TNIK: variants seen among roughly 807,000 people sequenced by gnomAD.
TNIK encodes the protein TRAF2 and NCK-interacting protein kinase.
Under a neutral mutation model 191.3 loss-of-function variants are expected in TNIK, and 49 were observed. The ratio of observed to expected loss-of-function variants is 0.26; its 90% CI spans 0.20 to 0.32. The LOEUF is 0.32. Ranked by LOEUF, TNIK falls within the 10% of genes least tolerant of loss-of-function variation. The pLI, the probability that TNIK is intolerant of heterozygous loss-of-function variation, is 1.00. For missense variants in TNIK, 1,155 were observed against 1,702.3 expected, an observed-to-expected ratio of 0.68 and a Z score of 5.66; for synonymous variants, 594 against 600.9, an observed-to-expected ratio of 0.99 and a Z score of 0.17.
At chr3:171,395,040 G>A (rs1381578818) in intron 1 of TNIK, among the ~76,000 whole-genome samples, 1 of 152,072 alleles carries the variant, frequency 6.6e-6, no homozygotes, top group Non-Finnish European at 1.5e-5. Flanking sequence ...ACAATATACG[G>A]CTTGATAAGG....
chr3:171,137,176 C>T (rs747810854), intron 15 of TNIK, among the ~76,000 whole-genome samples: 2 of 118,048 alleles, frequency 1.7e-5, no homozygotes, highest in Non-Finnish European at 3.2e-5. Flanking sequence ...ATTAGGACAA[C>T]ATTATGTCAA....
intron 2 of TNIK, among the ~76,000 whole-genome samples, chr3:171,277,444 G>A (rs974771027): frequency 2.0e-5 from 3 of 151,950 alleles, no homozygotes; most frequent in African/African-American, 4.8e-5. Flanking sequence ...GAACAGGTTC[G>A]GGAAGTATTA....
chr3:171,237,745 G>A (rs1490356385), intron 2 of TNIK, among the ~76,000 whole-genome samples: 1 of 152,040 alleles, frequency 6.6e-6, no homozygotes, highest in Non-Finnish European at 1.5e-5. Flanking sequence ...AATATAGTGA[G>A]ACCCCGTCTC....
Position 171,369,668 on chromosome 3 carries a change from A to C in TNIK, c.75T>G (p.Phe25Leu), listed in dbSNP as rs746144696. The change falls in exon 2 of 33, where the codon TTT becomes TTG. Residue 25 changes from phenylalanine to leucine, a missense_variant. Phe to Leu is a conservative substitution (Grantham distance 22). Coordinates refer to ENST00000436636, the MANE Select transcript of TNIK (RefSeq NM_015028.4). ...LSALRDPAGI[F>L]ELVELVGNGT... ...CATTTCCAACAAGTTCCACCAATTC[A>C]AAGATCCCTGCGGGGTCCTGAAAGA... The C allele has an allele frequency of 3.8e-6, 6 of 1,573,488 alleles. No individual in the cohort carries two copies. Among genetic ancestry groups the C allele is most frequent in the Non-Finnish European group, 4.3e-6 (5 of 1,158,370 alleles).
intron 3 of TNIK, among the ~76,000 whole-genome samples, chr3:171,212,318 G>A (rs968120550): frequency 3.3e-5 from 5 of 151,820 alleles, no homozygotes; most frequent in Non-Finnish European, 5.9e-5. Context: ...GAGTTTAATC[G>A]ACATTCACCA....
In TNIK at chr3:171,320,729, C is replaced by T. The variant is rs374546744; in HGVS notation, c.123+48891G>A. Among the ~76,000 whole-genome samples, 20 of 152,366 alleles carry T rather than the reference C, an allele frequency of 1.3e-4. No homozygotes were observed. The South Asian group carries it at 1.4e-3, about 11-fold the overall frequency. ...AATAATCCCATGTGGGCATACTTCA[C>T]GCAGAGTAATGCCATTTGGCCCTCA... On this transcript the variant is annotated intron_variant, in intron 2 of 32. Coordinates refer to ENST00000436636, the MANE Select transcript of TNIK (RefSeq NM_015028.4).
At chr3:171,190,335 A>G (rs888276090) in intron 6 of TNIK, among the ~76,000 whole-genome samples, 5 of 152,216 alleles carry the variant, frequency 3.3e-5, no homozygotes, top group Non-Finnish European at 5.9e-5. Context: ...GCCTGTGTAT[A>G]TTTTAATGGA....
chr3:171,102,814 G>A (rs531977453), intron 21 of TNIK, among the ~76,000 whole-genome samples: 1 of 152,296 alleles, frequency 6.6e-6, no homozygotes, highest in South Asian at 2.1e-4. Context: ...CAACCTGGGT[G>A]ATGACATTGG....
intron 2 of TNIK, among the ~76,000 whole-genome samples, chr3:171,272,072 G>T (rs953429075): frequency 6.6e-6 from 1 of 152,162 alleles, no homozygotes; most frequent in African/African-American, 2.4e-5. Context: ...GCCACCACCC[G>T]GAGATGGTAA....
intron 3 of TNIK, among the ~76,000 whole-genome samples, chr3:171,223,568 A>C (rs1004846335): frequency 6.6e-6 from 1 of 152,182 alleles, no homozygotes; most frequent in African/African-American, 2.4e-5. Context: ...TCAGGCTGAA[A>C]TATTCACTCC....
At chr3:171,103,781 TTTAA>T (rs1378571271) in intron 21 of TNIK, among the ~76,000 whole-genome samples, 7 of 130,572 alleles carry the variant, frequency 5.4e-5, no homozygotes, top group Admixed American at 4.1e-4. Flanking sequence ...TTGGCTATGG[TTTAA>T]TTAATGATAC....
intron 1 of TNIK, among the ~76,000 whole-genome samples, chr3:171,456,081 G>A (rs1230469485): frequency 1.3e-5 from 2 of 152,202 alleles, no homozygotes; most frequent in Admixed American, 6.5e-5. Context: ...AAAGACAAGT[G>A]TAGATCATCT....
chr3:171,080,628 G>A (rs909024635), intron 27 of TNIK, among the ~76,000 whole-genome samples: 10 of 151,914 alleles, frequency 6.6e-5, no homozygotes, highest in Admixed American at 3.3e-4. Flanking sequence ...TAGTAGAGAT[G>A]GGGTTTCACC....
At chr3:171,407,359 AT>A (rs1323270228) in intron 1 of TNIK, among the ~76,000 whole-genome samples, 8 of 152,350 alleles carry the variant, frequency 5.3e-5, no homozygotes, top group Admixed American at 3.3e-4. Flanking sequence ...TTCCAGAGTT[AT>A]CCGCTCCAAA....
At chr3:171,432,477 C>T (rs115929495) in intron 1 of TNIK, among the ~76,000 whole-genome samples, 11,297 of 152,252 alleles carry the variant, frequency 0.074, 609 homozygotes, top group South Asian at 0.24. Context: ...AAAACAAACC[C>T]TATATCTATG....
chr3:171,140,513 TG>T lies in TNIK; in HGVS notation c.1222-5del. The T allele has an allele frequency of 6.2e-7, 1 of 1,612,926 alleles. No individual in the cohort carries two copies. On this transcript the variant is annotated splice_polypyrimidine_tract_variant and splice_region_variant and intron_variant, in intron 12 of 32. Coordinates refer to ENST00000436636, the MANE Select transcript of TNIK (RefSeq NM_015028.4). ...GCTCCTTCTCTCGCCTTTGTTGCTG[TG>T]GGGCAACAAGCAGACAACCATGAAG...
At chr3:171,231,758 GT>G (rs1553863765) in intron 2 of TNIK, among the ~76,000 whole-genome samples, 2 of 152,158 alleles carry the variant, frequency 1.3e-5, no homozygotes, top group Non-Finnish European at 2.9e-5. Context: ...TTGTAAGACA[GT>G]TTTTAAAGAG....
intron 1 of TNIK, among the ~76,000 whole-genome samples, chr3:171,375,044 C>T (rs1717027248): frequency 6.6e-6 from 1 of 152,066 alleles, no homozygotes; most frequent in South Asian, 2.1e-4. Flanking sequence ...AACCATAATC[C>T]CCAGCCCTTG....
intron 7 of TNIK, among the ~76,000 whole-genome samples, chr3:171,187,129 C>T (rs1451058505): frequency 6.6e-6 from 1 of 152,028 alleles, no homozygotes; most frequent in African/African-American, 2.4e-5. Flanking sequence ...TATCTGTGGC[C>T]CAGATGTAGA....
Sources: allele counts gnomAD v4.1 joint callset (sites outside exome capture counted in the v4.1 genomes callset), GRCh38; gene constraint gnomAD v4.1.1; transcripts MANE v1.5; gene names NCBI Gene and HGNC (gene_info 2026-07-23, HGNC 2026-07-21).